Variants in GSTCD observed in about 807,000 individuals in gnomAD.
The protein encoded by GSTCD is glutathione S-transferase C-terminal domain-containing protein.
A neutral mutation model predicts 68.3 loss-of-function variants in GSTCD; 44 were observed. The ratio of observed to expected loss-of-function variants is 0.64; its 90% CI spans 0.51 to 0.83. The LOEUF (loss-of-function observed/expected upper bound fraction) is 0.83. GSTCD is among the 40% of genes least tolerant of loss of function. The pLI is 0.00. For synonymous variants in GSTCD, 273 were observed against 255.2 expected, an observed-to-expected ratio of 1.07 and a Z score of -0.67; for missense variants, 739 against 735.9, an observed-to-expected ratio of 1.00 and a Z score of -0.05.
Position 105,812,507 on chromosome 4 carries a change from A to G in GSTCD, c.1241-10447A>G, listed in dbSNP as rs900534708. Among the ~76,000 whole-genome samples the G allele has an allele frequency of 8.5e-5, 13 of 152,166 alleles. No individual in the cohort carries two copies. The South Asian group carries it at 2.7e-3, about 32-fold the overall frequency. The stretch of plus-strand genomic sequence containing the variant: ...GAGCCACCATACCTGGCTGTATACT[A>G]TGTTTTAAATCAGCTATTGTCCATT... On this transcript the variant is annotated intron_variant, in intron 5 of 11. Coordinates refer to ENST00000515279, the MANE Select transcript of GSTCD (RefSeq NM_001370181.1).
At chr4:105,794,636 T>G (rs1441376911) in intron 5 of GSTCD, among the ~76,000 whole-genome samples, 1 of 151,926 alleles carries the variant, frequency 6.6e-6, no homozygotes, top group South Asian at 2.1e-4. Flanking sequence ...GTTTTTTTTT[T>G]CTGAACTGCC....
At chr4:105,714,784 A>T (rs1168630653) in intron 1 of GSTCD, among the ~76,000 whole-genome samples, 3 of 152,062 alleles carry the variant, frequency 2.0e-5, no homozygotes, top group Non-Finnish European at 4.4e-5. Context: ...AGATATCACC[A>T]TGGGCAGGTT....
rs188290623 is a variant in GSTCD at position 105,803,358 on chromosome 4, A to G, written c.1241-19596A>G. The stretch of plus-strand genomic sequence containing the variant: ...TCAAGAAGTTCTTGCCAATAGCTTA[A>G]GAGTCAGAGAGGAGATAGAAAAAGT... On this transcript the variant is annotated intron_variant, in intron 5 of 11. Transcript: ENST00000515279. Among the ~76,000 whole-genome samples, 533 of 152,220 alleles carry G rather than the reference A, an allele frequency of 3.5e-3. 4 individuals are homozygous for G. The highest frequency in any genetic ancestry group is 0.012 in the African/African-American group (505 of 41,560).
chr4:105,824,718 A>G (rs1473044354), intron 7 of GSTCD, among the ~76,000 whole-genome samples: 1 of 152,118 alleles, frequency 6.6e-6, no homozygotes, highest in African/African-American at 2.4e-5. Context: ...TTCTTTTATC[A>G]TAATTGCATG....
chr4:105,710,239 T>TA (rs1238545883), intron 1 of GSTCD, among the ~76,000 whole-genome samples: 5,485 of 135,526 alleles, frequency 0.04, 147 homozygotes, highest in Middle Eastern at 0.069. Context: ...TCAATTTTTT[T>TA]TTTTTTTTTT....
intron 5 of GSTCD, among the ~76,000 whole-genome samples, chr4:105,793,262 A>G (rs1735743888): frequency 6.6e-6 from 1 of 152,042 alleles, no homozygotes; most frequent in African/African-American, 2.4e-5. Flanking sequence ...TACTGACACC[A>G]GACTTCAGCA....
intron 5 of GSTCD, among the ~76,000 whole-genome samples, chr4:105,731,146 G>A (rs1733225001): frequency 6.6e-6 from 1 of 152,182 alleles, no homozygotes; most frequent in African/African-American, 2.4e-5. Context: ...TTGTAGTATA[G>A]TTTGAAGTCA....
chr4:105,802,682 T>G (rs1411684765), intron 5 of GSTCD, among the ~76,000 whole-genome samples: 1 of 152,154 alleles, frequency 6.6e-6, no homozygotes, highest in Non-Finnish European at 1.5e-5. Flanking sequence ...TTCTCTTCCC[T>G]TTAACTTCTT....
intron 5 of GSTCD, among the ~76,000 whole-genome samples, chr4:105,797,329 G>A (rs1578483678): frequency 6.6e-6 from 1 of 151,760 alleles, no homozygotes; most frequent in Non-Finnish European, 1.5e-5. Flanking sequence ...GCATACCTTG[G>A]CGATATTGCA....
chr4:105,828,953 C>G lies in GSTCD; in HGVS notation c.1530+3153C>G, dbSNP rs116669820. Among the ~76,000 whole-genome samples the G allele has an allele frequency of 3.2e-3, 491 of 152,102 alleles. 2 individuals are homozygous for G. The highest frequency in any genetic ancestry group is 0.011 in the African/African-American group (469 of 41,496). ...AGAAGAAACTGAACCAGAGAGGCAC[C>G]AAGTATAGAGATATCAGGCATAGAG... On this transcript the variant is annotated intron_variant, in intron 8 of 11. Coordinates refer to ENST00000515279, the MANE Select transcript of GSTCD (RefSeq NM_001370181.1).
At chr4:105,813,647 A>AAG (rs1423925231) in intron 5 of GSTCD, among the ~76,000 whole-genome samples, 16 of 152,188 alleles carry the variant, frequency 1.1e-4, no homozygotes, top group Admixed American at 2.0e-4. Context: ...GATGAGTCTA[A>AAG]GTATGCACAA....
intron 5 of GSTCD, among the ~76,000 whole-genome samples, chr4:105,742,029 A>C (rs1560805710): frequency 6.6e-6 from 1 of 152,192 alleles, no homozygotes; most frequent in African/African-American, 2.4e-5. Context: ...TCTCTAATAC[A>C]ATCTGTATTA....
intron 5 of GSTCD, among the ~76,000 whole-genome samples, chr4:105,778,458 A>G (rs1735155534): frequency 6.6e-6 from 1 of 152,150 alleles, no homozygotes; most frequent in South Asian, 2.1e-4. Context: ...ATTTTAAAAT[A>G]TTGTTTATTT....
intron 9 of GSTCD, 134 bp from the exon 10 acceptor site, chr4:105,837,725 G>A: frequency 4.2e-6 from 2 of 477,624 alleles, no homozygotes; most frequent in South Asian, 2.9e-5. Flanking sequence ...TTTCAAACTG[G>A]CATAGTTTTT....
chr4:105,771,353 TGCAAAA>T (rs779334517), intron 5 of GSTCD, among the ~76,000 whole-genome samples: 20 of 152,194 alleles, frequency 1.3e-4, no homozygotes, highest in Non-Finnish European at 2.1e-4. Flanking sequence ...TCTTTTGCTG[TGCAAAA>T]GCTCTTTAGT....
intron 5 of GSTCD, among the ~76,000 whole-genome samples, chr4:105,803,722 T>G (rs1736193894): frequency 6.6e-6 from 1 of 151,916 alleles, no homozygotes; most frequent in Non-Finnish European, 1.5e-5. Flanking sequence ...CAACTCCATG[T>G]GTCAACATGG....
chr4:105,767,149 C>T (rs946070442), intron 5 of GSTCD, among the ~76,000 whole-genome samples: 2 of 152,016 alleles, frequency 1.3e-5, no homozygotes, highest in African/African-American at 2.4e-5. Flanking sequence ...AAGTGAGGAA[C>T]AGAAACAGCT....
At chr4:105,717,288 C>A (rs1028780410) in intron 1 of GSTCD, among the ~76,000 whole-genome samples, 2 of 152,246 alleles carry the variant, frequency 1.3e-5, no homozygotes, top group Middle Eastern at 3.4e-3. Flanking sequence ...CTATTTATCT[C>A]CTGTTCTCAC....
At position 105,723,724 on chromosome 4, in the gene GSTCD, AT is replaced by A. The variant is rs545450319; in HGVS notation, c.895-2854del. Among the ~76,000 whole-genome samples, 20 of 151,772 alleles carry A rather than the reference AT, an allele frequency of 1.3e-4. No individual in the cohort carries two copies. The South Asian group carries it at 3.7e-3, about 28-fold the overall frequency. On this transcript the variant is annotated intron_variant, in intron 3 of 11. Coordinates refer to ENST00000515279, the MANE Select transcript of GSTCD (RefSeq NM_001370181.1). ...ATATCTTTAAATAATATGTAAAAAA[AT>A]ATATAAATAATTACAAAATAACTTA... is the stretch of plus-strand genomic sequence containing the variant.
Sources: gnomAD v4.1 joint callset for allele counts (sites outside exome capture counted in the v4.1 genomes callset) on GRCh38, gnomAD v4.1.1 for gene constraint, MANE v1.5 for transcripts, NCBI Gene and HGNC (gene_info 2026-07-23, HGNC 2026-07-21) for gene names.